TCTN2: variants seen among roughly 807,000 people sequenced by gnomAD.
TCTN2 encodes the protein tectonic-2.
TCTN2 carries 66 observed loss-of-function variants against 83.4 expected under a neutral mutation model. The ratio of observed to expected loss-of-function variants is 0.79; its 90% CI spans 0.65 to 0.97. The LOEUF (loss-of-function observed/expected upper bound fraction) is 0.97. TCTN2 is among the 50% of genes least tolerant of loss of function. The pLI is 0.00. For missense variants in TCTN2, 794 were observed against 858.1 expected, an observed-to-expected ratio of 0.93 and a Z score of 0.93; for synonymous variants, 301 against 326.7, an observed-to-expected ratio of 0.92 and a Z score of 0.85.
intron 7 of TCTN2, among the ~76,000 whole-genome samples, chr12:123,690,309 A>G (rs1015311356): frequency 2.0e-5 from 3 of 152,190 alleles, no homozygotes; most frequent in African/African-American, 7.2e-5. Context: ...TTTTTATTAG[A>G]CAATATTTAC....
rs377494742 is a variant in TCTN2 at position 123,679,210 on chromosome 12, A to G, written c.485A>G (p.Asn162Ser). ...TCAGAGAACGTGACTGTCATTCCTA[A>G]CCAGGTGTATCAGCCCCTTGGCCCT... ...NASENVTVIP[N>S]QVYQPLGPCP... Residue 162 changes from asparagine to serine, a missense_variant, in exon 5 of 18, where the codon AAC (asparagine) becomes AGC (serine). Asn to Ser is a conservative substitution (Grantham distance 46, BLOSUM62 1). Transcript: ENST00000303372. 2 of 1,614,036 alleles carry G rather than the reference A, an allele frequency of 1.2e-6. No homozygotes were observed. The highest frequency in any genetic ancestry group is 1.3e-5 in the African/African-American group (1 of 75,028).
chr12:123,684,915 T>C (rs984537668), intron 5 of TCTN2, among the ~76,000 whole-genome samples: 12 of 151,562 alleles, frequency 7.9e-5, no homozygotes, highest in African/African-American at 2.4e-4. Flanking sequence ...CGGGGTATGT[T>C]GGTGGGTGCC....
intron 5 of TCTN2, among the ~76,000 whole-genome samples, chr12:123,680,029 G>A (rs149885512): frequency 0.014 from 2,127 of 151,618 alleles, 41 homozygotes; most frequent in African/African-American, 0.048. Context: ...GTGAGCCACC[G>A]CGCCCAGCCC....
At position 123,696,459 on chromosome 12, in the gene TCTN2, A is replaced by T; in HGVS notation, c.1357A>T (p.Met453Leu). Residue 453 changes from methionine (M) to leucine (L), a missense_variant, in exon 12 of 18, where the codon ATG becomes TTG. Transcript: ENST00000303372. ...TGTCCGAGCTCTAAATATCAACAGG[A>T]TGAATAATGTCACGACTTTACATCT... Reference protein sequence around the residue: ...KPVRALNINRMNNVTTLHLWQ... With the variant: ...KPVRALNINRLNNVTTLHLWQ... The T allele has an allele frequency of 1.2e-6, 2 of 1,614,160 alleles. No individual in the cohort carries two copies. Among genetic ancestry groups the T allele is most frequent in the Non-Finnish European group, 1.7e-6 (2 of 1,180,006 alleles).
At chr12:123,683,119 C>T (rs1047313076) in intron 5 of TCTN2, among the ~76,000 whole-genome samples, 3 of 151,352 alleles carry the variant, frequency 2.0e-5, no homozygotes, top group Admixed American at 2.0e-4. Flanking sequence ...GCTATTCCGG[C>T]GGCTGAGGCG....
Position 123,687,041 on chromosome 12 carries a change from T to A in TCTN2, c.764+6T>A. The A allele has an allele frequency of 6.2e-7, 1 of 1,614,116 alleles. No homozygotes were observed. The highest frequency in any genetic ancestry group is 8.5e-7 in the Non-Finnish European group (1 of 1,179,988). ...TACTTCTATCATGGTGCTGTGTAAGTGTCTGAGCAGCCGCCTGGGATGGGG... is the reference window on the plus strand; with the variant it reads ...TACTTCTATCATGGTGCTGTGTAAGAGTCTGAGCAGCCGCCTGGGATGGGG... On this transcript the variant is annotated splice_donor_region_variant and intron_variant, in intron 6 of 17. Coordinates refer to ENST00000303372, the MANE Select transcript of TCTN2 (RefSeq NM_024809.5).
At chr12:123,675,474 C>G (rs7307008) in intron 4 of TCTN2, among the ~76,000 whole-genome samples, 54,326 of 152,004 alleles carry the variant, frequency 0.36, 10,194 homozygotes, top group African/African-American at 0.41. Context: ...GACTCCTTTA[C>G]TGCCGCTTCC....
chr12:123,673,644 G>T lies in TCTN2; in HGVS notation c.297G>T (p.Lys99Asn), dbSNP rs1390562395. ...AKVLEVTVRWKRGLDWCSSNE... is the reference protein window; with the variant it reads ...AKVLEVTVRWNRGLDWCSSNE... ...TGTTGGAAGTGACAGTGAGGTGGAA[G>T]AGAGGTCTGGACTGGTGTTCCTCCA... The change falls in exon 4 of 18, where the codon AAG becomes AAT. Residue 99 changes from lysine to asparagine, a missense_variant. Transcript: ENST00000303372. The T allele has an allele frequency of 1.2e-6, 2 of 1,614,224 alleles. No homozygotes were observed. Among genetic ancestry groups the T allele is most frequent in the Admixed American group, 3.3e-5 (2 of 60,020 alleles).
intron 5 of TCTN2, among the ~76,000 whole-genome samples, chr12:123,684,399 CTTTTT>C (rs528065302): frequency 1.6e-5 from 2 of 127,806 alleles, no homozygotes. Context: ...TATTGTCATT[CTTTTT>C]TTTTTTTTTT....
Position 123,696,457 on chromosome 12 carries a change from G to A in TCTN2, c.1355G>A (p.Arg452Lys), listed in dbSNP as rs1355156056. ...GKPVRALNIN[R>K]MNNVTTLHLW... is the part of the protein sequence containing the mutation. ...CCTGTCCGAGCTCTAAATATCAACA[G>A]GATGAATAATGTCACGACTTTACAT... The change falls in exon 12 of 18, where the codon AGG (arginine) becomes AAG (lysine). Residue 452 changes from arginine to lysine, a missense_variant. Transcript: ENST00000303372. 6.2e-7 allele frequency: 1 copy of A among 1,614,148 alleles called. No homozygotes were observed. The highest frequency in any genetic ancestry group is 8.5e-7 in the Non-Finnish European group (1 of 1,180,006).
At chr12:123,691,071 G>C (rs1265614793) in intron 8 of TCTN2, among the ~76,000 whole-genome samples, 7 of 152,096 alleles carry the variant, frequency 4.6e-5, no homozygotes. Context: ...GTTTCACTGT[G>C]TTGGCCAGGT....
Position 123,707,749 on chromosome 12 carries a change from T to A in TCTN2, c.*36T>A, listed in dbSNP as rs750095290. 2.6e-6 allele frequency: 4 copies of A among 1,533,846 alleles called. No individual in the cohort carries two copies. In the African/African-American group the frequency reaches 5.5e-5, roughly 21 times the overall value. On this transcript the variant is annotated 3_prime_UTR_variant, in exon 18 of 18. Transcript: ENST00000303372. ...GGCTTTTATTTTTTTGAGATGGAGT[T>A]TTGCTCTTGTTGCCCAGGCTGAAGT...
chr12:123,679,166 T>C, intron 4 of TCTN2, 23 bp from the exon 5 acceptor site: 1 of 1,584,556 alleles, frequency 6.3e-7, no homozygotes, highest in Non-Finnish European at 8.7e-7. Context: ...TAGCTGAATT[T>C]TTCTGTTGTG....
rs1955761660 is a variant in TCTN2, at chr12:123,672,134, T to A, written c.267+2T>A. Reference sequence around the variant, plus strand: ...AGCGTGACTGTGATCCCCGGTGCGGTAAGGCCAGAAGTAAACCTTCTCTGT... The same window carrying A: ...AGCGTGACTGTGATCCCCGGTGCGGAAAGGCCAGAAGTAAACCTTCTCTGT... On this transcript the variant is annotated splice_donor_variant, in intron 3 of 17. Coordinates refer to ENST00000303372, the MANE Select transcript of TCTN2 (RefSeq NM_024809.5). LOFTEE classifies it high-confidence loss of function. The A allele has an allele frequency of 1.2e-6, 2 of 1,613,914 alleles. No individual in the cohort carries two copies. The highest frequency in any genetic ancestry group is 2.2e-5 in the South Asian group (2 of 91,082).
At chr12:123,695,320 A>T in intron 11 of TCTN2, 23 bp downstream of exon 11, 1 of 1,488,674 alleles carries the variant, frequency 6.7e-7, no homozygotes. Context: ...TATGCCAGTC[A>T]TTGATCTTAC....
chr12:123,687,055 C>T lies in TCTN2; in HGVS notation c.764+20C>T, dbSNP rs1418351084. On this transcript the variant is annotated intron_variant, in intron 6 of 17. Transcript: ENST00000303372. ...TGCTGTGTAAGTGTCTGAGCAGCCGCCTGGGATGGGGCATTGTTCTCCCGC... is the reference window on the plus strand; with the variant it reads ...TGCTGTGTAAGTGTCTGAGCAGCCGTCTGGGATGGGGCATTGTTCTCCCGC... The T allele has an allele frequency of 6.2e-7, 1 of 1,614,034 alleles. No homozygotes were observed. The highest frequency in any genetic ancestry group is 8.5e-7 in the Non-Finnish European group (1 of 1,179,904).
rs1310095535 is a variant in TCTN2 at position 123,683,222 on chromosome 12, C to CA, written c.565-3607dup. On this transcript the variant is annotated intron_variant, in intron 5 of 17. Transcript: ENST00000303372. Reference sequence around the variant, plus strand: ...TGGGCGACAGAGTGAGAGTCCATCTCAAAAAAATAATAATAATAATTTTTG... The same window carrying CA: ...TGGGCGACAGAGTGAGAGTCCATCTCAAAAAAAATAATAATAATAATTTTTG... Among the ~76,000 whole-genome samples the CA allele has an allele frequency of 4.0e-5, 6 of 151,542 alleles. No individual in the cohort carries two copies. The East Asian group carries it at 1.2e-3, about 30-fold the overall frequency.
At position 123,686,870 on chromosome 12, in the gene TCTN2, G is replaced by T; in HGVS notation, c.599G>T (p.Arg200Leu). Residue 200 changes from arginine to leucine, a missense_variant, in exon 6 of 18, where the codon CGG becomes CTG. Arg to Leu is a moderately radical substitution (Grantham distance 102). Transcript: ENST00000303372. ...TCAAATTTAACAACGCTGTTCAGAC[G>T]GTCCTGCTTCACCGGCGTGTTTGGA... is the stretch of plus-strand genomic sequence containing the variant. ...CSSNLTTLFR[R>L]SCFTGVFGGD... The T allele has an allele frequency of 6.2e-7, 1 of 1,614,162 alleles. No homozygotes were observed. Among genetic ancestry groups the T allele is most frequent in the Non-Finnish European group, 8.5e-7 (1 of 1,180,042 alleles).
chr12:123,688,149 TA>T lies in TCTN2; in HGVS notation c.866del (p.Lys289ArgfsTer50). The part of the protein sequence containing the change: ...GYKQGDPIMT[V>X]KKAYFTIPQV... ...AAACAAGGAGATCCCATTATGACTG[TA>T]AAGAAGGCATATTTTACTATTCCGC... On this transcript the variant is annotated frameshift_variant, in exon 7 of 18. Coordinates refer to ENST00000303372, the MANE Select transcript of TCTN2 (RefSeq NM_024809.5). LOFTEE classifies it high-confidence loss of function. 1 of 1,613,630 alleles carries T rather than the reference TA, an allele frequency of 6.2e-7. No homozygotes were observed. The highest frequency in any genetic ancestry group is 1.3e-5 in the African/African-American group (1 of 74,974).
Sources: allele counts gnomAD v4.1 joint callset (sites outside exome capture counted in the v4.1 genomes callset), GRCh38; gene constraint gnomAD v4.1.1; transcripts MANE v1.5; gene names NCBI Gene and HGNC (gene_info 2026-07-23, HGNC 2026-07-21).